SLC2A9: variants seen among roughly 807,000 people sequenced by gnomAD.
SLC2A9 encodes the protein solute carrier family 2, facilitated glucose transporter member 9.
In SLC2A9, 39 loss-of-function variants were observed where a neutral mutation model predicts 50.6. The ratio of observed to expected loss-of-function variants is 0.77; its 90% CI spans 0.60 to 1.01. The LOEUF (loss-of-function observed/expected upper bound fraction) is 1.01. Ranked by LOEUF, SLC2A9 falls within the 50% of genes least tolerant of loss-of-function variation. The pLI is 0.00. For missense variants in SLC2A9, 686 were observed against 677.6 expected (o/e 1.01, Z -0.14); for synonymous variants, 324 against 276.9 (o/e 1.17, Z -1.69).
chr4:9,788,106 A>C (rs192307149), intron 3 of SLC2A9, among the ~76,000 whole-genome samples: 4 of 152,144 alleles, frequency 2.6e-5, no homozygotes, highest in African/African-American at 9.6e-5. Context: ...AATCTTTCTA[A>C]ATGTATTGTT....
rs562855888 is a variant in SLC2A9, at chr4:9,879,470, T to C, written c.1291+8097A>G. 235 of 984,916 alleles carry C rather than the reference T, an allele frequency of 2.4e-4. 1 individual carries two copies. In the African/African-American group the frequency reaches 4.0e-3, roughly 17 times the overall value. The allele number at this position is 984,916 out of a possible 1,614,324, so 61.0% of individuals were successfully genotyped here. A position where few individuals can be genotyped will look rare whatever the true frequency, so the allele number is the denominator to read the frequency against. On this transcript the variant is annotated intron_variant, in intron 10 of 11. Transcript: ENST00000264784. ...GCTGCAGTGCAGGGAGAATGCGGGA[T>C]AGAGAGGGAGGGCAGGCAGGGCAGG... is the stretch of plus-strand genomic sequence containing the variant.
intron 1 of SLC2A9, among the ~76,000 whole-genome samples, chr4:10,026,948 G>A (rs1002832228): frequency 1.3e-5 from 2 of 152,120 alleles, no homozygotes; most frequent in East Asian, 3.8e-4. Flanking sequence ...GGAGGCTGAG[G>A]CAGGAGAATT....
chr4:9,835,157 G>T, intron 10 of SLC2A9, 149 bp from the exon 11 acceptor site: 3 of 1,043,792 alleles, frequency 2.9e-6, no homozygotes, highest in Non-Finnish European at 4.3e-6. Flanking sequence ...TCGCCCTGGT[G>T]GCATTGCAGT....
chr4:9,947,762 T>C (rs71603977), intron 5 of SLC2A9, among the ~76,000 whole-genome samples: 7,645 of 152,008 alleles, frequency 0.05, 565 homozygotes, highest in East Asian at 0.38. Context: ...ATCAGACAAC[T>C]AGGGAACAGC....
Position 9,774,298 on chromosome 4 carries a change from A to T in SLC2A9, n.182-2929T>A, listed in dbSNP as rs192554376. 8.5e-5 allele frequency among the ~76,000 whole-genome samples: 13 copies of T among 152,350 alleles called. 1 individual carries two copies. Among genetic ancestry groups the T allele is most frequent in the Middle Eastern group, 3.4e-3 (1 of 294 alleles). The stretch of plus-strand genomic sequence containing the variant: ...GTGAGCCACCACATCTGGCCAAAAA[A>T]TGATGAGAAACTCAGTGTTTTGGAA... On this transcript the variant is annotated intron_variant and non_coding_transcript_variant, in intron 1 of 1. Transcript: ENST00000508585.
chr4:9,957,198 G>A (rs1751461314), intron 5 of SLC2A9, among the ~76,000 whole-genome samples: 1 of 151,888 alleles, frequency 6.6e-6, no homozygotes, highest in Non-Finnish European at 1.5e-5. Context: ...AGATACAGCA[G>A]CAAAACAGGA....
intron 6 of SLC2A9, among the ~76,000 whole-genome samples, chr4:9,928,633 C>A (rs1412202874): frequency 6.6e-6 from 1 of 152,152 alleles, no homozygotes. Context: ...ACTCGGGAGG[C>A]TGAGGCAGGA....
intron 4 of SLC2A9, among the ~76,000 whole-genome samples, chr4:9,981,841 T>A (rs890872804): frequency 2.6e-5 from 4 of 152,170 alleles, no homozygotes; most frequent in African/African-American, 9.7e-5. Flanking sequence ...GAGCCTTCTA[T>A]CATCTCAAAA....
chr4:9,975,859 A>G (rs1030456615), intron 5 of SLC2A9, among the ~76,000 whole-genome samples: 7 of 152,354 alleles, frequency 4.6e-5, no homozygotes, highest in Admixed American at 3.3e-4. Context: ...GTGTCCATCA[A>G]TGGTGGACTG....
chr4:9,929,575 T>C (rs1251502605), intron 6 of SLC2A9, among the ~76,000 whole-genome samples: 5 of 152,192 alleles, frequency 3.3e-5, no homozygotes, highest in Non-Finnish European at 5.9e-5. Flanking sequence ...TGGGCAAACA[T>C]TGGCCCATAC....
intron 11 of SLC2A9, among the ~76,000 whole-genome samples, chr4:9,833,800 T>C (rs1394236985): frequency 6.6e-6 from 1 of 152,166 alleles, no homozygotes; most frequent in African/African-American, 2.4e-5. Context: ...CTCCTGAGAA[T>C]GGGTGGTGAT....
At chr4:9,830,028 A>T (rs1725808616) in intron 11 of SLC2A9, among the ~76,000 whole-genome samples, 1 of 152,260 alleles carries the variant, frequency 6.6e-6, no homozygotes, top group Non-Finnish European at 1.5e-5. Context: ...TACCCAAAGG[A>T]ATGTAAATCA....
In SLC2A9 at chr4:9,826,494, T is replaced by C. The variant is rs367608035; in HGVS notation, c.1526A>G (p.Glu509Gly). ...LPETKNRTYA[E>G]ISQAFSKRNK... The stretch of plus-strand genomic sequence containing the variant: ...CCTTTTGGAAAATGCCTGGCTGATT[T>C]CTGCATAGGTTCTGTTTTTGGTCTC... Residue 509 changes from glutamate (E) to glycine (G), a missense_variant, in exon 12 of 12, where the codon GAA (glutamate) becomes GGA (glycine). Coordinates refer to ENST00000264784, the MANE Select transcript of SLC2A9 (RefSeq NM_020041.3). The C allele has an allele frequency of 1.9e-6, 3 of 1,614,014 alleles. No homozygotes were observed. The highest frequency in any genetic ancestry group is 2.7e-5 in the African/African-American group (2 of 74,922).
intron 3 of SLC2A9, among the ~76,000 whole-genome samples, chr4:9,799,954 T>C (rs186296988): frequency 6.6e-6 from 1 of 152,304 alleles, no homozygotes; most frequent in East Asian, 1.9e-4. Context: ...GCGGATGATG[T>C]GCTGAAGGAA....
intron 10 of SLC2A9, among the ~76,000 whole-genome samples, chr4:9,835,762 G>T (rs1726956568): frequency 6.6e-6 from 1 of 152,154 alleles, no homozygotes; most frequent in Non-Finnish European, 1.5e-5. Flanking sequence ...AAAAGTGAGA[G>T]CTAAGCTACG....
intron 7 of SLC2A9, among the ~76,000 whole-genome samples, chr4:9,912,056 C>T (rs1365660715): frequency 3.9e-5 from 6 of 152,234 alleles, no homozygotes; most frequent in East Asian, 1.9e-4. Flanking sequence ...AACCAAACAC[C>T]GCATATTCTC....
chr4:9,807,392 T>C (rs1044271172), intron 3 of SLC2A9, among the ~76,000 whole-genome samples: 2 of 152,194 alleles, frequency 1.3e-5, no homozygotes, highest in Non-Finnish European at 2.9e-5. Flanking sequence ...TCCAGGAAGC[T>C]ACCCCCTGAT....
At chr4:9,784,315 A>G (rs1482652779) in intron 3 of SLC2A9, among the ~76,000 whole-genome samples, 2 of 152,216 alleles carry the variant, frequency 1.3e-5, no homozygotes, top group Non-Finnish European at 2.9e-5. Context: ...TTTTTGAAGT[A>G]ACATAAGACA....
intron 7 of SLC2A9, among the ~76,000 whole-genome samples, chr4:9,917,164 C>G (rs529188135): frequency 1.3e-5 from 2 of 151,808 alleles, no homozygotes; most frequent in South Asian, 4.2e-4. Flanking sequence ...AAGGCAGCTG[C>G]CTAAAATAAG....
Sources: gnomAD v4.1 joint callset for allele counts (sites outside exome capture counted in the v4.1 genomes callset) on GRCh38, gnomAD v4.1.1 for gene constraint, MANE v1.5 for transcripts, NCBI Gene and HGNC (gene_info 2026-07-23, HGNC 2026-07-21) for gene names.